Variants in UBE2E2 observed in about 807,000 individuals in gnomAD.
UBE2E2 encodes the protein ubiquitin conjugating enzyme E2 E2.
A neutral mutation model predicts 24.7 loss-of-function variants in UBE2E2; 6 were observed. The observed-to-expected ratio is 0.24, with a 90% CI of 0.13 to 0.48. UBE2E2 has a LOEUF of 0.48. UBE2E2 is among the 20% of genes least tolerant of loss of function. The pLI, the probability that UBE2E2 is intolerant of heterozygous loss-of-function variation, is 0.99. For synonymous variants in UBE2E2, 104 were observed against 83.6 expected, an observed-to-expected ratio of 1.24 and a Z score of -1.33; for missense variants, 169 against 245.0, an observed-to-expected ratio of 0.69 and a Z score of 2.07.
intron 3 of UBE2E2, chr3:23,449,996 C>T: frequency 1.1e-6 from 1 of 909,402 alleles, no homozygotes; most frequent in African/African-American, 1.8e-5. Flanking sequence ...CACGTGAGTA[C>T]AGCAATGGCT....
At position 23,468,240 on chromosome 3, in the gene UBE2E2, T is replaced by C. The variant is rs563362922; in HGVS notation, c.228-31368T>C. Among the ~76,000 whole-genome samples the C allele has an allele frequency of 3.3e-5, 5 of 152,340 alleles. No individual in the cohort carries two copies. In the East Asian group the frequency reaches 9.6e-4, roughly 29 times the overall value. On this transcript the variant is annotated intron_variant, in intron 3 of 5. Transcript: ENST00000396703. ...CTATTTCCCCCTTTATTTCAGTCTT[T>C]ACTGTTGTTTTCTCTGGACTTTCAA...
chr3:23,329,029 T>G (rs980584182), intron 3 of UBE2E2, among the ~76,000 whole-genome samples: 13 of 152,266 alleles, frequency 8.5e-5, no homozygotes, highest in Non-Finnish European at 1.6e-4. Flanking sequence ...TACTCAATAC[T>G]TACGCCCTTG....
chr3:23,222,074 C>G (rs939651413), intron 3 of UBE2E2, among the ~76,000 whole-genome samples: 3 of 152,030 alleles, frequency 2.0e-5, no homozygotes, highest in Non-Finnish European at 2.9e-5. Context: ...ATTTTTAGCT[C>G]TCATGTAAGA....
intron 3 of UBE2E2, among the ~76,000 whole-genome samples, chr3:23,305,765 T>C (rs1035733934): frequency 6.6e-6 from 1 of 152,294 alleles, no homozygotes; most frequent in East Asian, 1.9e-4. Flanking sequence ...GCTCTCACTC[T>C]GTCACCCAGG....
chr3:23,413,243 CT>C (rs984821197), intron 3 of UBE2E2, among the ~76,000 whole-genome samples: 3 of 151,928 alleles, frequency 2.0e-5, no homozygotes. Context: ...TTAATTTAAA[CT>C]TTAGCACATC....
intron 3 of UBE2E2, among the ~76,000 whole-genome samples, chr3:23,272,670 CAG>C (rs537050062): frequency 6.2e-4 from 92 of 148,802 alleles, no homozygotes; most frequent in Non-Finnish European, 6.4e-4. Context: ...ATCTATATCT[CAG>C]AGAGAGAGAG....
intron 3 of UBE2E2, among the ~76,000 whole-genome samples, chr3:23,352,712 T>C (rs1487399993): frequency 6.6e-6 from 1 of 152,012 alleles, no homozygotes; most frequent in Non-Finnish European, 1.5e-5. Flanking sequence ...AATAGACCAA[T>C]AACAGGCTCT....
chr3:23,264,758 A>G (rs1697997932), intron 3 of UBE2E2, among the ~76,000 whole-genome samples: 1 of 152,218 alleles, frequency 6.6e-6, no homozygotes, highest in South Asian at 2.1e-4. Context: ...AAATGAGCAG[A>G]TAATATATTT....
chr3:23,406,298 G>A (rs969130982), intron 3 of UBE2E2, among the ~76,000 whole-genome samples: 3 of 152,018 alleles, frequency 2.0e-5, no homozygotes, highest in African/African-American at 4.8e-5. Context: ...AAATAATGCA[G>A]CATACTGGAA....
At chr3:23,422,833 TGTCTAGGGAAGG>T (rs891970952) in intron 3 of UBE2E2, among the ~76,000 whole-genome samples, 42 of 152,034 alleles carry the variant, frequency 2.8e-4, no homozygotes, top group African/African-American at 9.4e-4. Flanking sequence ...TTGTCAAAAG[TGTCTAGGGAAGG>T]GTCTAGGTAA....
intron 3 of UBE2E2, among the ~76,000 whole-genome samples, chr3:23,472,227 C>T (rs1010305043): frequency 2.0e-5 from 3 of 152,070 alleles, no homozygotes; most frequent in African/African-American, 7.2e-5. Context: ...ACTTTCTGTC[C>T]AGCCAGACTT....
rs752204801 is a variant in UBE2E2 at position 23,441,368 on chromosome 3, C to CAAA, written c.228-58221_228-58219dup. Among the ~76,000 whole-genome samples, 528 of 103,138 alleles carry CAAA rather than the reference C, an allele frequency of 5.1e-3. 5 individuals are homozygous for CAAA. The highest frequency in any genetic ancestry group is 0.015 in the African/African-American group (413 of 26,758). 67.7% of individuals were successfully genotyped at this position (103,138 alleles called of 152,430 possible). A position where few individuals can be genotyped will look rare whatever the true frequency, so the allele number is the denominator to read the frequency against. ...TGAAACCACGTCTCTACTAAAAATC[C>CAAA]AAAAAAAAAAAAAAAAAAAAATTAG... On this transcript the variant is annotated intron_variant, in intron 3 of 5. Transcript: ENST00000396703.
chr3:23,206,225 C>T (rs1285011832), intron 1 of UBE2E2, among the ~76,000 whole-genome samples: 5 of 152,026 alleles, frequency 3.3e-5, no homozygotes, highest in Middle Eastern at 3.4e-3. Flanking sequence ...TCATGCATGC[C>T]GCCCTATCTG....
chr3:23,240,636 A>G (rs1441535777), intron 3 of UBE2E2, among the ~76,000 whole-genome samples: 3 of 152,232 alleles, frequency 2.0e-5, no homozygotes, highest in Non-Finnish European at 2.9e-5. Flanking sequence ...GAAATCTGAT[A>G]GGATCTCTTG....
rs543938040 is a variant in UBE2E2, at chr3:23,416,495, A to T, written c.228-83113A>T. The stretch of plus-strand genomic sequence containing the variant: ...GGCTGCCCTTAACATTTTTTTCTTC[A>T]TTTCAACCTTGGTGAATCTGACGAT... On this transcript the variant is annotated intron_variant, in intron 3 of 5. Transcript: ENST00000396703. Among the ~76,000 whole-genome samples the T allele has an allele frequency of 1.8e-3, 274 of 151,798 alleles. 1 individual carries two copies. Among genetic ancestry groups the T allele is most frequent in the Middle Eastern group, 3.4e-3 (1 of 294 alleles).
At chr3:23,586,714 CT>C (rs1696635034) in intron 5 of UBE2E2, among the ~76,000 whole-genome samples, 1 of 152,054 alleles carries the variant, frequency 6.6e-6, no homozygotes, top group Non-Finnish European at 1.5e-5. Context: ...GGTAATGGTC[CT>C]CACATCGTTG....
intron 3 of UBE2E2, among the ~76,000 whole-genome samples, chr3:23,377,782 G>A (rs76621740): frequency 1.3e-5 from 2 of 152,170 alleles, no homozygotes; most frequent in Non-Finnish European, 2.9e-5. Flanking sequence ...AATAGGTAAA[G>A]TGCTTAGCAC....
chr3:23,360,206 A>G (rs113156582), intron 3 of UBE2E2, among the ~76,000 whole-genome samples: 2 of 152,354 alleles, frequency 1.3e-5, no homozygotes, highest in South Asian at 2.1e-4. Context: ...AAGTATTCCC[A>G]TAGTCATCCA....
chr3:23,333,510 G>C (rs898210229), intron 3 of UBE2E2, among the ~76,000 whole-genome samples: 1 of 152,082 alleles, frequency 6.6e-6, no homozygotes, highest in African/African-American at 2.4e-5. Flanking sequence ...ACTCCTAGGA[G>C]ACAGATTTTC....
Sources: allele counts gnomAD v4.1 joint callset (sites outside exome capture counted in the v4.1 genomes callset), GRCh38; gene constraint gnomAD v4.1.1; transcripts MANE v1.5; gene names NCBI Gene and HGNC (gene_info 2026-07-23, HGNC 2026-07-21).